Variants in PCSK5 observed in about 807,000 individuals in gnomAD.
The protein encoded by PCSK5 is prohormone convertase 5.
A neutral mutation model predicts 233.2 loss-of-function variants in PCSK5; 129 were observed. The ratio of observed to expected loss-of-function variants is 0.55; its 90% CI spans 0.48 to 0.64. The LOEUF is 0.64. Among genes scored for constraint, PCSK5 ranks in the 30% least tolerant of loss-of-function variants. The pLI is 0.00. For synonymous variants in PCSK5, 825 were observed against 879.2 expected, an observed-to-expected ratio of 0.94 and a Z score of 1.09; for missense variants, 2,076 against 2,430.1, an observed-to-expected ratio of 0.85 and a Z score of 3.06.
At chr9:76,124,442 T>C in intron 9 of PCSK5, among the ~76,000 whole-genome samples, 1 of 152,006 alleles carries the variant, frequency 6.6e-6, no homozygotes, top group Non-Finnish European at 1.5e-5. Flanking sequence ...TGTCATCTCT[T>C]TCCTTAAAAA....
chr9:76,318,639 G>A lies in PCSK5; in HGVS notation c.3885-2783G>A, dbSNP rs529883197. 2.6e-4 allele frequency among the ~76,000 whole-genome samples: 40 copies of A among 152,138 alleles called. No individual in the cohort carries two copies. In the East Asian group the frequency reaches 3.7e-3, roughly 14 times the overall value. On this transcript the variant is annotated intron_variant, in intron 30 of 37. Transcript: ENST00000674117. ...TCTATATACACAGACATAAGATTCC[G>A]CCTGGAAGAAGGTGATTTGCACAAA...
chr9:75,960,617 C>T (rs982243905), intron 2 of PCSK5, among the ~76,000 whole-genome samples: 5 of 152,330 alleles, frequency 3.3e-5, no homozygotes, highest in Admixed American at 2.0e-4. Context: ...GGCCAGTTTA[C>T]ACTTTTTCTA....
At chr9:76,303,126 T>C (rs564793054) in intron 28 of PCSK5, among the ~76,000 whole-genome samples, 3 of 152,314 alleles carry the variant, frequency 2.0e-5, no homozygotes, top group East Asian at 3.9e-4. Context: ...TGCCCAGGCC[T>C]AATTGCTAAG....
At chr9:76,121,744 C>T (rs1367988218) in intron 9 of PCSK5, among the ~76,000 whole-genome samples, 1 of 152,000 alleles carries the variant, frequency 6.6e-6, no homozygotes, top group African/African-American at 2.4e-5. Flanking sequence ...TGAAGGAAAC[C>T]ATCTGGCCTC....
chr9:76,247,269 G>A (rs1036295834), intron 24 of PCSK5, among the ~76,000 whole-genome samples: 3 of 152,170 alleles, frequency 2.0e-5, no homozygotes, highest in East Asian at 1.9e-4. Flanking sequence ...AGCTTGAGCC[G>A]TAACAAACAT....
Position 76,023,754 on chromosome 9 carries a change from C to T in PCSK5, c.428C>T (p.Thr143Ile), listed in dbSNP as rs748580273. ...TTCTTTCAGCACTGCAGTGACAATA[C>T]ACATCCCTGCCAGTCTGACATGAAT... The part of the protein sequence containing the change: ...SMWYMHCSDN[T>I]HPCQSDMNIE... Residue 143 changes from threonine to isoleucine, a missense_variant, in exon 4 of 38, where the codon ACA becomes ATA. Thr to Ile is a moderately conservative substitution (Grantham distance 89). Around this residue, in one of 6 missense-constraint regions of PCSK5, gnomAD observed 190 missense variants for 216.3 expected, o/e 0.88. Coordinates refer to ENST00000674117, the MANE Select transcript of PCSK5 (RefSeq NM_001372043.1). 1 of 1,612,088 alleles carries T rather than the reference C, an allele frequency of 6.2e-7. No homozygotes were observed. The highest frequency in any genetic ancestry group is 8.5e-7 in the Non-Finnish European group (1 of 1,178,772).
At chr9:75,947,677 G>A (rs1824637561) in intron 2 of PCSK5, among the ~76,000 whole-genome samples, 1 of 152,154 alleles carries the variant, frequency 6.6e-6, no homozygotes, top group Non-Finnish European at 1.5e-5. Flanking sequence ...ACTCCTGGCA[G>A]TCATGGGATT....
rs375939325 is a variant in PCSK5, at chr9:76,350,873, T to G, written c.5012T>G (p.Leu1671Arg). ...TTATCCTGTGTGTGGAGTTACCACC[T>G]CATGGGAGGGATCTGCACCTCGGAC... The part of the protein sequence containing the change: ...NCLSCVWSYH[L>R]MGGICTSDCL... Residue 1671 changes from leucine (L) to arginine (R), a missense_variant, in exon 36 of 38, where the codon CTC becomes CGC. By Grantham distance (102) the Leu-to-Arg change is moderately radical (BLOSUM62 -2). Around this residue, in one of 6 missense-constraint regions of PCSK5, gnomAD observed 1,510 missense variants for 1,538.1 expected, o/e 0.98. Transcript: ENST00000674117. The G allele has an allele frequency of 5.6e-6, 9 of 1,610,080 alleles. No homozygotes were observed. The highest frequency in any genetic ancestry group is 7.6e-6 in the Non-Finnish European group (9 of 1,177,910).
At chr9:76,282,872 T>C (rs538209171) in intron 24 of PCSK5, among the ~76,000 whole-genome samples, 2 of 152,182 alleles carry the variant, frequency 1.3e-5, no homozygotes, top group African/African-American at 4.8e-5. Context: ...GAGGTCAAGA[T>C]AGTAACATTA....
intron 2 of PCSK5, among the ~76,000 whole-genome samples, chr9:75,946,724 G>A (rs559128887): frequency 1.6e-4 from 24 of 152,168 alleles, no homozygotes; most frequent in African/African-American, 5.8e-4. Flanking sequence ...AAGTAGCTGG[G>A]ATTACAGGTG....
At chr9:75,920,667 A>G (rs1564082432) in intron 1 of PCSK5, among the ~76,000 whole-genome samples, 1 of 151,990 alleles carries the variant, frequency 6.6e-6, no homozygotes, top group Non-Finnish European at 1.5e-5. Context: ...TAGTTGTGGC[A>G]TGGTGGCACA....
At chr9:76,140,240 A>T (rs1262812665) in intron 10 of PCSK5, among the ~76,000 whole-genome samples, 2 of 152,122 alleles carry the variant, frequency 1.3e-5, no homozygotes, top group Admixed American at 6.6e-5. Context: ...TAATTAGTTA[A>T]TGAAGAGAAC....
At chr9:75,970,589 T>C (rs548937334) in intron 2 of PCSK5, among the ~76,000 whole-genome samples, 1 of 152,302 alleles carries the variant, frequency 6.6e-6, no homozygotes, top group African/African-American at 2.4e-5. Context: ...CCATTCTCTC[T>C]GCTATTTTCT....
chr9:76,297,862 T>C (rs1828490733), intron 27 of PCSK5, among the ~76,000 whole-genome samples: 1 of 152,124 alleles, frequency 6.6e-6, no homozygotes, highest in African/African-American at 2.4e-5. Context: ...CCATGGCTGC[T>C]GTCTACTACG....
At chr9:76,077,025 ACT>A (rs774719004) in intron 7 of PCSK5, among the ~76,000 whole-genome samples, 4 of 152,202 alleles carry the variant, frequency 2.6e-5, no homozygotes, top group Admixed American at 2.0e-4. Context: ...AAAGATAGGT[ACT>A]GTTTTTCCCA....
intron 1 of PCSK5, among the ~76,000 whole-genome samples, chr9:75,916,672 G>A (rs1823012189): frequency 6.6e-6 from 1 of 152,140 alleles, no homozygotes; most frequent in Non-Finnish European, 1.5e-5. Context: ...GAAGGCCAGT[G>A]GGTTGGTGCG....
intron 2 of PCSK5, among the ~76,000 whole-genome samples, chr9:75,955,222 T>C (rs957850033): frequency 6.6e-6 from 1 of 152,180 alleles, no homozygotes; most frequent in African/African-American, 2.4e-5. Context: ...CAAATAATGC[T>C]GTTTTCACTA....
rs1830405134 is a variant in PCSK5 at position 76,360,108 on chromosome 9, GTCTTACAGATTTCCTTGTCAAAA to G, written c.*1188_*1210del. Reference sequence around the variant, plus strand: ...TGCTATGCAAAATGATGTTGGCAGGGTCTTACAGATTTCCTTGTCAAAATAGACCTTACAGGCAGTACTAGAAA... The same window carrying G: ...TGCTATGCAAAATGATGTTGGCAGGGTAGACCTTACAGGCAGTACTAGAAA... On this transcript the variant is annotated 3_prime_UTR_variant, in exon 38 of 38. Transcript: ENST00000674117. 6.6e-6 allele frequency: 1 copy of G among 152,158 alleles called. No individual in the cohort carries two copies. The highest frequency in any genetic ancestry group is 1.5e-5 in the Non-Finnish European group (1 of 68,036). The allele number at this position is 152,158 out of a possible 1,614,324, so 9.4% of individuals were successfully genotyped here.
intron 24 of PCSK5, among the ~76,000 whole-genome samples, chr9:76,277,135 C>A (rs1056656450): frequency 1.3e-5 from 2 of 152,092 alleles, no homozygotes; most frequent in African/African-American, 4.8e-5. Context: ...GAGTCTAAGG[C>A]AGGAGAATCG....
Sources: gnomAD v4.1 joint callset for allele counts (sites outside exome capture counted in the v4.1 genomes callset) on GRCh38, gnomAD v4.1.1 for gene constraint, gnomAD v4.1.1 regional missense constraint, MANE v1.5 for transcripts, NCBI Gene and HGNC (gene_info 2026-07-23, HGNC 2026-07-21) for gene names.